TBX20: variants seen among roughly 807,000 people sequenced by gnomAD.
TBX20 encodes the protein T-box transcription factor 20, also known as T-box transcription factor TBX20.
In TBX20, 8 loss-of-function variants were observed where a neutral mutation model predicts 42.9. The ratio of observed to expected loss-of-function variants is 0.19; its 90% CI spans 0.11 to 0.34. TBX20 has a LOEUF of 0.34. Ranked by LOEUF, TBX20 falls within the 10% of genes least tolerant of loss-of-function variation. The pLI is 1.00. For synonymous variants in TBX20, 198 were observed against 222.8 expected (o/e 0.89, Z 0.99); for missense variants, 411 against 566.0 (o/e 0.73, Z 2.78).
intron 6 of TBX20, among the ~76,000 whole-genome samples, chr7:35,217,547 C>T (rs980592402): frequency 1.3e-5 from 2 of 152,110 alleles, no homozygotes; most frequent in African/African-American, 2.4e-5. Flanking sequence ...CTCTAAAAAG[C>T]TGTGGATAAA....
In TBX20 at chr7:35,207,187, A is replaced by G. The variant is rs987405950; in HGVS notation, c.891-2605T>C. ...CTCTCACTGATGCCTGATATGGTCA[A>G]TGTTTAATTTTAGCTATTGTAATAT... On this transcript the variant is annotated intron_variant, in intron 6 of 7. Transcript: ENST00000408931. 9.2e-5 allele frequency among the ~76,000 whole-genome samples: 14 copies of G among 152,198 alleles called. 1 individual carries two copies. The highest frequency in any genetic ancestry group is 2.9e-5 in the Non-Finnish European group (2 of 68,030).
chr7:35,219,796 T>C (rs1789650102), intron 6 of TBX20, among the ~76,000 whole-genome samples: 1 of 152,222 alleles, frequency 6.6e-6, no homozygotes. Context: ...ATTCCCAGAA[T>C]ATTAGATTTG....
chr7:35,226,500 C>T (rs3956739), intron 6 of TBX20, among the ~76,000 whole-genome samples: 6 of 150,846 alleles, frequency 4.0e-5, no homozygotes, highest in African/African-American at 9.8e-5. Context: ...GAAAAGACAA[C>T]GATCATGTCG....
At chr7:35,240,780 C>A (rs1451835108) in intron 5 of TBX20, 99 bp downstream of exon 5, 2 of 1,110,930 alleles carry the variant, frequency 1.8e-6, no homozygotes, top group African/African-American at 3.1e-5. Context: ...AAGTGAACAT[C>A]CATTTTGAGT....
At chr7:35,206,614 C>G in intron 6 of TBX20, among the ~76,000 whole-genome samples, 1 of 152,174 alleles carries the variant, frequency 6.6e-6, no homozygotes, top group South Asian at 2.1e-4. Context: ...ACCACTGACA[C>G]CACTGCCACA....
intron 6 of TBX20, among the ~76,000 whole-genome samples, chr7:35,218,828 A>G (rs1789632926): frequency 1.3e-5 from 2 of 152,076 alleles, no homozygotes; most frequent in Admixed American, 6.5e-5. Context: ...ACTTTGGGAG[A>G]TGACTAGGAT....
intron 3 of TBX20, among the ~76,000 whole-genome samples, chr7:35,246,763 G>A (rs967126951): frequency 6.6e-6 from 1 of 151,806 alleles, no homozygotes; most frequent in Admixed American, 6.6e-5. Flanking sequence ...CAAGTTCTTC[G>A]TTTTTCTCTT....
intron 5 of TBX20, 118 bp downstream of exon 5, chr7:35,240,761 C>T (rs1790060341): frequency 1.1e-6 from 1 of 915,148 alleles, no homozygotes; most frequent in Admixed American, 2.0e-5. Flanking sequence ...AACTCAATAG[C>T]TCTCTGCAAA....
intron 5 of TBX20, among the ~76,000 whole-genome samples, chr7:35,235,123 A>T (rs960171811): frequency 4.6e-5 from 7 of 152,082 alleles, no homozygotes; most frequent in African/African-American, 1.7e-4. Flanking sequence ...TTAAATTTTA[A>T]GATAAAATAA....
intron 6 of TBX20, among the ~76,000 whole-genome samples, chr7:35,222,177 T>C (rs1789694624): frequency 6.6e-6 from 1 of 152,174 alleles, no homozygotes; most frequent in African/African-American, 2.4e-5. Flanking sequence ...TTTGGATAAA[T>C]TATTAGTATC....
At chr7:35,212,558 T>C (rs1789516352) in intron 6 of TBX20, among the ~76,000 whole-genome samples, 2 of 152,158 alleles carry the variant, frequency 1.3e-5, no homozygotes, top group African/African-American at 4.8e-5. Flanking sequence ...TTTTGGGATA[T>C]AGTTAAGTTA....
At chr7:35,206,269 C>T (rs1291992198) in intron 6 of TBX20, among the ~76,000 whole-genome samples, 2 of 152,196 alleles carry the variant, frequency 1.3e-5, no homozygotes, top group East Asian at 1.9e-4. Flanking sequence ...GGGCCGGAGC[C>T]GGGGCCGGTG....
At chr7:35,234,220 A>C (rs1789919827) in intron 5 of TBX20, among the ~76,000 whole-genome samples, 1 of 152,250 alleles carries the variant, frequency 6.6e-6, no homozygotes, top group South Asian at 2.1e-4. Context: ...AAAGGATAGA[A>C]GGTATTACCT....
At chr7:35,251,791 C>T (rs1156792793) in intron 1 of TBX20, among the ~76,000 whole-genome samples, 1 of 152,156 alleles carries the variant, frequency 6.6e-6, no homozygotes, top group Non-Finnish European at 1.5e-5. Context: ...AACAAAAGTC[C>T]CACATTCTCT....
At chr7:35,247,196 C>A (rs931847902) in intron 3 of TBX20, among the ~76,000 whole-genome samples, 1 of 138,508 alleles carries the variant, frequency 7.2e-6, no homozygotes, top group African/African-American at 2.6e-5. Context: ...AGAGGGTTTG[C>A]TTGTAGAAAA....
At chr7:35,211,906 T>C (rs1398504978) in intron 6 of TBX20, among the ~76,000 whole-genome samples, 2 of 152,314 alleles carry the variant, frequency 1.3e-5, no homozygotes, top group Non-Finnish European at 2.9e-5. Context: ...TAATTTGGTA[T>C]TATTTCTTCA....
At chr7:35,243,275 G>A (rs1317641925) in intron 4 of TBX20, among the ~76,000 whole-genome samples, 2 of 152,178 alleles carry the variant, frequency 1.3e-5, no homozygotes, top group Non-Finnish European at 2.9e-5. Flanking sequence ...GTGAGCCACC[G>A]TGCCTGGCCA....
Position 35,253,603 on chromosome 7 carries a change from G to A in TBX20, c.18C>T (p.Ser6=), listed in dbSNP as rs1465207888. 1 of 1,611,942 alleles carries A rather than the reference G, an allele frequency of 6.2e-7. No homozygotes were observed. The highest frequency in any genetic ancestry group is 8.5e-7 in the Non-Finnish European group (1 of 1,179,984). Residue 6 remains serine (S), a synonymous_variant, in exon 1 of 8, where the codon TCC becomes TCT. Coordinates refer to ENST00000408931, the MANE Select transcript of TBX20 (RefSeq NM_001077653.2). The part of the protein sequence containing the change: MEFTA[S]PKPQLSSRAN... ...CCCGAGAGGAGAGTTGGGGCTTGGG[G>A]GACGCCGTGAACTCCATGGTCCCCA...
At chr7:35,223,300 G>C (rs1789714725) in intron 6 of TBX20, among the ~76,000 whole-genome samples, 1 of 152,170 alleles carries the variant, frequency 6.6e-6, no homozygotes, top group Non-Finnish European at 1.5e-5. Context: ...GGTGCTCTTA[G>C]GGGGACAGGG....
Sources: allele counts gnomAD v4.1 joint callset (sites outside exome capture counted in the v4.1 genomes callset), GRCh38; gene constraint gnomAD v4.1.1; transcripts MANE v1.5; gene names NCBI Gene and HGNC (gene_info 2026-07-23, HGNC 2026-07-21).